Variants in TENM3 observed in about 807,000 individuals in gnomAD.
The protein encoded by TENM3 is teneurin transmembrane protein 3.
TENM3 carries 63 observed loss-of-function variants against 255.1 expected under a neutral mutation model. That is an observed-to-expected ratio of 0.25 (90% CI 0.20 to 0.30). The LOEUF is 0.30. TENM3 is among the 10% of genes least tolerant of loss of function. The pLI, the probability that TENM3 is intolerant of heterozygous loss-of-function variation, is 1.00. For missense variants in TENM3, 2,929 were observed against 3,461.1 expected (o/e 0.85, Z 3.86); for synonymous variants, 1,306 against 1,322.3 (o/e 0.99, Z 0.27).
chr4:181,588,309 A>G, the TENM3 span, among the ~76,000 whole-genome samples: 3 of 152,150 alleles, frequency 2.0e-5, no homozygotes, highest in African/African-American at 7.2e-5. Context: ...CCTAACATTT[A>G]ATTATCTCTG....
rs573808792 is a variant in TENM3 at position 182,571,421 on chromosome 4, G to T, written c.512-29503G>T. On this transcript the variant is annotated intron_variant, in intron 3 of 27. Coordinates refer to ENST00000511685, the MANE Select transcript of TENM3 (RefSeq NM_001080477.4). Reference sequence around the variant, plus strand: ...TGTGCCTGTAGTCCCAGCTCCTCAGGAGGCTGAGGTGGGAGGATGGCTTGA... The same window carrying T: ...TGTGCCTGTAGTCCCAGCTCCTCAGTAGGCTGAGGTGGGAGGATGGCTTGA... Among the ~76,000 whole-genome samples, 17 of 152,266 alleles carry T rather than the reference G, an allele frequency of 1.1e-4. No homozygotes were observed. The East Asian group carries it at 3.3e-3, about 29-fold the overall frequency.
At chr4:181,858,237 C>T in the TENM3 span, among the ~76,000 whole-genome samples, 29 of 152,266 alleles carry the variant, frequency 1.9e-4, no homozygotes, top group Non-Finnish European at 3.4e-4. Flanking sequence ...TGTTGATATG[C>T]AATAAATGAA....
chr4:182,497,814 T>G (rs1735921529), intron 3 of TENM3, among the ~76,000 whole-genome samples: 1 of 147,862 alleles, frequency 6.8e-6, no homozygotes, highest in Admixed American at 6.7e-5. Flanking sequence ...TGTATATATA[T>G]ATGTAGCATA....
intron 1 of TENM3, among the ~76,000 whole-genome samples, chr4:182,220,428 C>A (rs1189518598): frequency 6.8e-6 from 1 of 146,608 alleles, no homozygotes; most frequent in African/African-American, 2.5e-5. Context: ...AAGAGCAGGG[C>A]CTCATCTCAG....
At chr4:182,079,996 C>A in the TENM3 span, 1 of 152,204 alleles carries the variant, frequency 6.6e-6, no homozygotes, top group South Asian at 2.1e-4. Flanking sequence ...AATTATTGTA[C>A]CCCTTTACTT....
At chr4:181,740,914 A>G in the TENM3 span, among the ~76,000 whole-genome samples, 1 of 152,218 alleles carries the variant, frequency 6.6e-6, no homozygotes, top group South Asian at 2.1e-4. Flanking sequence ...CCCCACTTAA[A>G]AAGAAAACCG....
chr4:182,569,137 G>GTT (rs1346512354), intron 3 of TENM3, among the ~76,000 whole-genome samples: 1 of 152,172 alleles, frequency 6.6e-6, no homozygotes, highest in East Asian at 1.9e-4. Flanking sequence ...GTACTGTACT[G>GTT]TATGTTAATT....
chr4:181,503,911 A>C, the TENM3 span, among the ~76,000 whole-genome samples: 1 of 152,096 alleles, frequency 6.6e-6, no homozygotes, highest in African/African-American at 2.4e-5. Flanking sequence ...CACCCCTTCC[A>C]TGGCTGGAAG....
the TENM3 span, among the ~76,000 whole-genome samples, chr4:181,953,917 T>C: frequency 6.6e-6 from 1 of 152,212 alleles, no homozygotes; most frequent in South Asian, 2.1e-4. Context: ...CTGAACGTTT[T>C]CTTGTGACCC....
intron 22 of TENM3, among the ~76,000 whole-genome samples, chr4:182,765,206 G>A (rs576344040): frequency 2.1e-4 from 32 of 152,110 alleles, no homozygotes; most frequent in Non-Finnish European, 4.6e-4. Context: ...TGAGAGAGCC[G>A]AAGCTATAAG....
At chr4:182,546,616 A>T (rs2151911859) in intron 3 of TENM3, among the ~76,000 whole-genome samples, 1 of 152,094 alleles carries the variant, frequency 6.6e-6, no homozygotes, top group East Asian at 1.9e-4. Flanking sequence ...TTATCTTTTT[A>T]TCTGTATTTT....
At chr4:181,605,558 GAAAGAAAGAAAGAGAGAGAA>G in the TENM3 span, among the ~76,000 whole-genome samples, 1 of 28,574 alleles carries the variant, frequency 3.5e-5, no homozygotes, top group Non-Finnish European at 9.9e-5. Flanking sequence ...AAGAAAGAAA[GAAAGAAAGAAAGAGAGAGAA>G]AGAAAGGAAA....
At chr4:181,889,852 AT>A in the TENM3 span, among the ~76,000 whole-genome samples, 1 of 152,142 alleles carries the variant, frequency 6.6e-6, no homozygotes, top group African/African-American at 2.4e-5. Context: ...TTTCTTCTTC[AT>A]TATTTTAATT....
the TENM3 span, among the ~76,000 whole-genome samples, chr4:181,859,410 T>C: frequency 6.6e-6 from 1 of 152,040 alleles, no homozygotes; most frequent in Non-Finnish European, 1.5e-5. Flanking sequence ...TCTTGAGTAA[T>C]AGTGGCAAGC....
chr4:181,661,905 T>TAAA, the TENM3 span, among the ~76,000 whole-genome samples: 8,772 of 133,906 alleles, frequency 0.066, 329 homozygotes, highest in Non-Finnish European at 0.096. Context: ...TGGCAGTTTG[T>TAAA]AAAAAAAAAA....
intron 1 of TENM3, among the ~76,000 whole-genome samples, chr4:182,196,066 G>A (rs1753818040): frequency 6.6e-6 from 1 of 152,126 alleles, no homozygotes; most frequent in Admixed American, 6.5e-5. Flanking sequence ...TCCTCTTTGG[G>A]CTGTTTTTCC....
the TENM3 span, among the ~76,000 whole-genome samples, chr4:181,772,778 T>C: frequency 6.6e-6 from 1 of 152,194 alleles, no homozygotes; most frequent in Non-Finnish European, 1.5e-5. Flanking sequence ...TGGTTGTTTT[T>C]CAAGATGGGC....
chr4:182,326,701 G>C (rs2675528), intron 2 of TENM3, among the ~76,000 whole-genome samples: 50,107 of 151,572 alleles, frequency 0.33, 8,718 homozygotes, highest in East Asian at 0.7. Context: ...CCATGCCAGG[G>C]TAATTTTAAA....
chr4:182,155,015 T>C (rs1439413229), intron 1 of TENM3, among the ~76,000 whole-genome samples: 1 of 152,124 alleles, frequency 6.6e-6, no homozygotes, highest in Admixed American at 6.5e-5. Context: ...ACATTGAAAA[T>C]TGAAAATTAA....
Sources: allele counts gnomAD v4.1 joint callset (sites outside exome capture counted in the v4.1 genomes callset), GRCh38; gene constraint gnomAD v4.1.1; transcripts MANE v1.5; gene names NCBI Gene and HGNC (gene_info 2026-07-23, HGNC 2026-07-21).